CCDC158: variants seen among roughly 807,000 people sequenced by gnomAD.
CCDC158 encodes the protein coiled-coil domain containing 158.
Under a neutral mutation model 138.6 loss-of-function variants are expected in CCDC158, and 116 were observed. The observed-to-expected ratio is 0.84, with a 90% CI of 0.72 to 0.98. The LOEUF is 0.98. Ranked by LOEUF, CCDC158 falls within the 50% of genes least tolerant of loss-of-function variation. The pLI, the probability that CCDC158 is intolerant of heterozygous loss-of-function variation, is 0.00. For missense variants in CCDC158, 1,265 were observed against 1,306.1 expected (o/e 0.97, Z 0.48); for synonymous variants, 436 against 442.4 (o/e 0.99, Z 0.18).
At chr4:76,395,716 A>C (rs1266697457) in intron 4 of CCDC158, among the ~76,000 whole-genome samples, 1 of 152,216 alleles carries the variant, frequency 6.6e-6, no homozygotes, top group Non-Finnish European at 1.5e-5. Flanking sequence ...AGGTTAGAGC[A>C]TGAAGAGCTT....
intron 22 of CCDC158, among the ~76,000 whole-genome samples, chr4:76,327,364 GAT>G: frequency 6.6e-6 from 1 of 152,152 alleles, no homozygotes; most frequent in Admixed American, 6.5e-5. Flanking sequence ...TAACAATGGG[GAT>G]ATGTTCTGAG....
chr4:76,320,910 T>A (rs747007534), intron 24 of CCDC158, among the ~76,000 whole-genome samples: 1 of 152,056 alleles, frequency 6.6e-6, no homozygotes, highest in Non-Finnish European at 1.5e-5. Flanking sequence ...GATAAATAGA[T>A]GGGACCTAGT....
Position 76,417,946 on chromosome 4 carries a change from C to A in CCDC158, c.-117+3019G>T, listed in dbSNP as rs556273617. On this transcript the variant is annotated intron_variant, in intron 1 of 24. Transcript: ENST00000682701. Reference sequence around the variant, plus strand: ...GGGATGAGAGGGCTTCTAATGGAGGCCAACTATGTGTCATGCCAAAAGGAA... The same window carrying A: ...GGGATGAGAGGGCTTCTAATGGAGGACAACTATGTGTCATGCCAAAAGGAA... 1.9e-3 allele frequency among the ~76,000 whole-genome samples: 294 copies of A among 152,218 alleles called. 1 individual carries two copies. Among genetic ancestry groups the A allele is most frequent in the African/African-American group, 6.7e-3 (279 of 41,538 alleles).
intron 1 of CCDC158, among the ~76,000 whole-genome samples, chr4:76,420,158 C>T (rs111340145): frequency 1.3e-5 from 2 of 152,088 alleles, no homozygotes; most frequent in African/African-American, 4.8e-5. Flanking sequence ...TCTCTCTCAG[C>T]ACTCCTGCAC....
At position 76,347,931 on chromosome 4, in the gene CCDC158, G is replaced by C. The variant is rs1166353385; in HGVS notation, c.2664+3065C>G. 1.3e-5 allele frequency among the ~76,000 whole-genome samples: 2 copies of C among 151,994 alleles called. 1 individual carries two copies. The stretch of plus-strand genomic sequence containing the variant: ...AAACAGTTATTTTCTTACTCTGTTT[G>C]GGTTGTTATAGGAAAATATCTTAGA... On this transcript the variant is annotated intron_variant, in intron 18 of 24. Coordinates refer to ENST00000682701, the MANE Select transcript of CCDC158 (RefSeq NM_001394954.1).
At chr4:76,401,271 C>A in intron 3 of CCDC158, 1 of 482,164 alleles carries the variant, frequency 2.1e-6, no homozygotes, top group South Asian at 1.6e-5. Context: ...TTCCCAAACA[C>A]CCATCAGACT....
intron 1 of CCDC158, among the ~76,000 whole-genome samples, chr4:76,419,878 G>T (rs567541918): frequency 1.2e-4 from 18 of 149,410 alleles, no homozygotes; most frequent in Admixed American, 3.4e-4. Flanking sequence ...TCTAGCTGGG[G>T]GACGGGTGGA....
chr4:76,408,728 T>G (rs1479029241), intron 2 of CCDC158, among the ~76,000 whole-genome samples: 2 of 152,162 alleles, frequency 1.3e-5, no homozygotes, highest in Non-Finnish European at 2.9e-5. Context: ...GGTCAAATGG[T>G]ATTTCTAGAT....
At position 76,350,998 on chromosome 4, in the gene CCDC158, G is replaced by A. The variant is rs1722986039; in HGVS notation, c.2662C>T (p.His888Tyr). Residue 888 changes from histidine to tyrosine, a missense_variant and splice_region_variant, in exon 18 of 25, where the codon CAT (histidine) becomes TAT (tyrosine). Transcript: ENST00000682701. ...GGATCATAAGACTGGTTACTTACATGAGACAGGAAGCTGGCTGTAGACTGC... is the reference window on the plus strand; with the variant it reads ...GGATCATAAGACTGGTTACTTACATAAGACAGGAAGCTGGCTGTAGACTGC... ...SSQSTASFLS[H>Y]HSTKANTLKE... The A allele has an allele frequency of 6.2e-7, 1 of 1,613,182 alleles. No homozygotes were observed. The highest frequency in any genetic ancestry group is 1.7e-5 in the Admixed American group (1 of 59,894).
At chr4:76,381,559 G>GT (rs1209656328) in intron 8 of CCDC158, among the ~76,000 whole-genome samples, 2 of 152,172 alleles carry the variant, frequency 1.3e-5, no homozygotes, top group Non-Finnish European at 2.9e-5. Context: ...TAACAAACTT[G>GT]TTTTTTATTT....
At chr4:76,400,093 G>C (rs1487737658) in intron 3 of CCDC158, among the ~76,000 whole-genome samples, 1 of 151,994 alleles carries the variant, frequency 6.6e-6, no homozygotes, top group Non-Finnish European at 1.5e-5. Flanking sequence ...AGTTAAGAAT[G>C]GTGTGATTTT....
intron 17 of CCDC158, 83 bp from the exon 18 acceptor site, chr4:76,351,204 T>A: frequency 7.5e-7 from 1 of 1,331,572 alleles, no homozygotes. Context: ...ATTTTTTGAT[T>A]TCACAGGCAA....
At chr4:76,352,528 AC>A (rs1723150153) in intron 16 of CCDC158, 1 of 152,238 alleles carries the variant, frequency 6.6e-6, no homozygotes, top group African/African-American at 2.4e-5. Flanking sequence ...ATTGTATCTA[AC>A]CATAAAGGCA....
rs1393183413 is a variant in CCDC158, at chr4:76,384,238, G to A, written c.576C>T (p.Ile192=). The change falls in exon 6 of 25, where the codon ATC becomes ATT. Residue 192 remains isoleucine (I), a synonymous_variant. Coordinates refer to ENST00000682701, the MANE Select transcript of CCDC158 (RefSeq NM_001394954.1). ...CTGAGGCTTCTTCAAAGTCAACTAG[G>A]ATTGACCGGATTTCTTGAAGCACTC... ...HEGVLQEIRS[I]LVDFEEASGK... The A allele has an allele frequency of 1.2e-6, 2 of 1,614,038 alleles. No individual in the cohort carries two copies. Among genetic ancestry groups the A allele is most frequent in the African/African-American group, 1.3e-5 (1 of 75,004 alleles).
intron 18 of CCDC158, among the ~76,000 whole-genome samples, chr4:76,334,778 A>C (rs889153943): frequency 5.3e-5 from 8 of 152,196 alleles, no homozygotes; most frequent in Admixed American, 5.2e-4. Flanking sequence ...ATCAGAGTGC[A>C]CTGGTGAGCA....
At chr4:76,399,994 G>C (rs572183399) in intron 3 of CCDC158, among the ~76,000 whole-genome samples, 1 of 152,298 alleles carries the variant, frequency 6.6e-6, no homozygotes, top group East Asian at 1.9e-4. Flanking sequence ...GATATGAGGA[G>C]AAAAGAGAGG....
At chr4:76,341,291 G>A (rs1338759352) in intron 18 of CCDC158, among the ~76,000 whole-genome samples, 2 of 152,136 alleles carry the variant, frequency 1.3e-5, no homozygotes, top group Non-Finnish European at 2.9e-5. Context: ...TCCAAAGATA[G>A]AAGATAAATG....
At chr4:76,385,636 G>T (rs991052242) in intron 4 of CCDC158, among the ~76,000 whole-genome samples, 1 of 151,992 alleles carries the variant, frequency 6.6e-6, no homozygotes, top group Non-Finnish European at 1.5e-5. Context: ...TTTAACCGAG[G>T]TGAAAATATG....
At chr4:76,421,356 C>T (rs1472950669), upstream of CCDC158, among the ~76,000 whole-genome samples, 2 of 152,114 alleles carry the variant, frequency 1.3e-5, no homozygotes, top group Non-Finnish European at 2.9e-5. Context: ...GAAGTCCCCA[C>T]CACCGCCCGG....
Sources: gnomAD v4.1 joint callset for allele counts (sites outside exome capture counted in the v4.1 genomes callset) on GRCh38, gnomAD v4.1.1 for gene constraint, MANE v1.5 for transcripts, NCBI Gene and HGNC (gene_info 2026-07-23, HGNC 2026-07-21) for gene names.